The following ANKRD62 variants were observed in gnomAD, a reference collection of about 807,000 sequenced individuals.
The protein encoded by ANKRD62 is ankyrin repeat domain-containing protein 62.
A neutral mutation model predicts 98.8 loss-of-function variants in ANKRD62; 61 were observed. The observed-to-expected ratio is 0.62, with a 90% CI of 0.50 to 0.76. The LOEUF (loss-of-function observed/expected upper bound fraction) is 0.76. ANKRD62 is among the 30% of genes least tolerant of loss of function. The probability of loss-of-function intolerance (pLI) is 0.00; values close to 1 mark genes in which losing one functional copy is unlikely to be tolerated. For synonymous variants in ANKRD62, 341 were observed against 367.9 expected (o/e 0.93, Z 0.84); for missense variants, 933 against 1,082.9 (o/e 0.86, Z 1.94).
the ANKRD62 span, among the ~76,000 whole-genome samples, chr18:12,158,527 T>C: frequency 1.1e-5 from 1 of 92,150 alleles, no homozygotes; most frequent in African/African-American, 4.0e-5. Context: ...TTTTTATTTT[T>C]ATTTTTTATT....
At chr18:12,141,616 T>C in the ANKRD62 span, among the ~76,000 whole-genome samples, 1 of 129,772 alleles carries the variant, frequency 7.7e-6, no homozygotes, top group Non-Finnish European at 1.6e-5. Flanking sequence ...ATCTCAACGG[T>C]CCTCATTCCT....
rs1909932752 is a variant in ANKRD62, at chr18:12,128,178, T to G, written c.*239T>G. The G allele has an allele frequency of 4.5e-6, 1 of 221,806 alleles. No homozygotes were observed. Among genetic ancestry groups the G allele is most frequent in the African/African-American group, 2.3e-5 (1 of 44,040 alleles). 13.7% of individuals were successfully genotyped at this position (221,806 alleles called of 1,614,324 possible). On this transcript the variant is annotated 3_prime_UTR_variant, in exon 14 of 14. Coordinates refer to ENST00000587848, the MANE Select transcript of ANKRD62 (RefSeq NM_001277333.2). ...AGAATTCTTTTTTCTTTTTACAGTA[T>G]ATTTTTAGTGATTTCTTTCATTGCC...
At position 12,128,547 on chromosome 18, in the gene ANKRD62, T is replaced by C. The variant is rs1909940750; in HGVS notation, c.*608T>C. 6.6e-6 allele frequency: 1 copy of C among 152,202 alleles called. No individual in the cohort carries two copies. The allele number at this position is 152,202 out of a possible 1,614,324, so 9.4% of individuals were successfully genotyped here. A position where few individuals can be genotyped will look rare whatever the true frequency, so the allele number is the denominator to read the frequency against. On this transcript the variant is annotated 3_prime_UTR_variant, in exon 14 of 14. Coordinates refer to ENST00000587848, the MANE Select transcript of ANKRD62 (RefSeq NM_001277333.2). ...CAGCAAAGGGTAGGTTTGAGATGTT[T>C]GGGTGGGTCAAGTGGGCATTTTGAC...
chr18:12,124,693 G>A (rs183257358), intron 12 of ANKRD62, among the ~76,000 whole-genome samples: 26 of 115,484 alleles, frequency 2.3e-4, no homozygotes, highest in Admixed American at 2.1e-3. Context: ...TTCCTAAGAA[G>A]AGCTTTATAA....
intron 6 of ANKRD62, among the ~76,000 whole-genome samples, chr18:12,100,196 T>C (rs763434242): frequency 2.0e-5 from 3 of 152,226 alleles, no homozygotes; most frequent in Non-Finnish European, 2.9e-5. Flanking sequence ...ACTAGAAACC[T>C]TATTGATTAT....
chr18:12,160,257 C>T, the ANKRD62 span, among the ~76,000 whole-genome samples: 2 of 152,242 alleles, frequency 1.3e-5, no homozygotes, highest in Admixed American at 6.5e-5. Flanking sequence ...GAGCCTTTAC[C>T]ATAAGCTCAT....
At chr18:12,151,899 G>C in the ANKRD62 span, among the ~76,000 whole-genome samples, 1 of 151,988 alleles carries the variant, frequency 6.6e-6, no homozygotes, top group African/African-American at 2.4e-5. Context: ...TGATCCCACA[G>C]AAATACAAGT....
intron 10 of ANKRD62, among the ~76,000 whole-genome samples, chr18:12,121,448 A>G (rs936604470): frequency 2.0e-5 from 3 of 152,108 alleles, no homozygotes; most frequent in African/African-American, 4.8e-5. Context: ...ACCGCTCGCC[A>G]TCCCTTGGTC....
intron 8 of ANKRD62, among the ~76,000 whole-genome samples, chr18:12,109,826 C>A (rs1401366524): frequency 6.6e-6 from 1 of 151,946 alleles, no homozygotes; most frequent in Non-Finnish European, 1.5e-5. Context: ...TTGTTGTAGT[C>A]CAACATCTTT....
chr18:12,131,011 GT>G (rs1909995364), downstream of ANKRD62, among the ~76,000 whole-genome samples: 1 of 152,156 alleles, frequency 6.6e-6, no homozygotes, highest in Admixed American at 6.5e-5. Context: ...TTACAAAAAT[GT>G]TTTGCATGTA....
the ANKRD62 span, among the ~76,000 whole-genome samples, chr18:12,171,497 C>T: frequency 5.9e-5 from 9 of 152,292 alleles, no homozygotes; most frequent in East Asian, 3.9e-4. Flanking sequence ...GGGTTTCTGC[C>T]GAGAGATCCG....
intron 11 of ANKRD62, among the ~76,000 whole-genome samples, 153 bp from the exon 12 acceptor site, chr18:12,123,984 A>G (rs1386920301): frequency 6.6e-6 from 1 of 152,182 alleles, no homozygotes; most frequent in African/African-American, 2.4e-5. Context: ...CTTTCAATTT[A>G]TATGTCTTCT....
chr18:12,145,774 C>T, the ANKRD62 span, among the ~76,000 whole-genome samples: 71 of 152,080 alleles, frequency 4.7e-4, no homozygotes, highest in South Asian at 4.8e-3. Context: ...GACCAACCTG[C>T]GGCAGAAGTG....
the ANKRD62 span, among the ~76,000 whole-genome samples, chr18:12,136,148 G>A: frequency 3.3e-5 from 5 of 152,120 alleles, no homozygotes; most frequent in South Asian, 1.0e-3. Context: ...TATTGCCTAG[G>A]TTTTCTTCTA....
At chr18:12,146,312 C>A in the ANKRD62 span, among the ~76,000 whole-genome samples, 1 of 152,196 alleles carries the variant, frequency 6.6e-6, no homozygotes, top group Non-Finnish European at 1.5e-5. Context: ...GAGGATCAGG[C>A]CGCCATCTTT....
At chr18:12,101,387 C>G (rs112630656) in intron 6 of ANKRD62, among the ~76,000 whole-genome samples, 4 of 152,152 alleles carry the variant, frequency 2.6e-5, no homozygotes, top group Non-Finnish European at 4.4e-5. Context: ...ACAAGGGGAA[C>G]CTTGCCCTTA....
At chr18:12,124,005 T>G in intron 11 of ANKRD62, 132 bp from the exon 12 acceptor site, 2 of 484,892 alleles carry the variant, frequency 4.1e-6, no homozygotes, top group East Asian at 3.6e-5. Flanking sequence ...TTGGAAGACA[T>G]CGAAGTGAGA....
chr18:12,097,355 G>A (rs1326809589), intron 4 of ANKRD62, among the ~76,000 whole-genome samples: 4 of 152,156 alleles, frequency 2.6e-5, no homozygotes, highest in Non-Finnish European at 4.4e-5. Context: ...CTTTAGATAA[G>A]TGACCTGAGC....
intron 5 of ANKRD62, among the ~76,000 whole-genome samples, chr18:12,099,357 G>C (rs969214316): frequency 2.6e-5 from 4 of 152,096 alleles, no homozygotes; most frequent in African/African-American, 9.7e-5. Flanking sequence ...AATACCCATT[G>C]GTCCTATTAT....
Sources: allele counts gnomAD v4.1 joint callset (sites outside exome capture counted in the v4.1 genomes callset), GRCh38; gene constraint gnomAD v4.1.1; transcripts MANE v1.5; gene names NCBI Gene and HGNC (gene_info 2026-07-23, HGNC 2026-07-21).